The following CTNNA1 variants were observed in gnomAD, a reference collection of about 807,000 sequenced individuals.
CTNNA1 encodes the protein catenin alpha 1.
CTNNA1 carries 37 observed loss-of-function variants against 98.4 expected under a neutral mutation model. The observed-to-expected ratio is 0.38, with a 90% CI of 0.29 to 0.49. The LOEUF (loss-of-function observed/expected upper bound fraction) is 0.49. CTNNA1 is among the 20% of genes least tolerant of loss of function. CTNNA1 has a pLI of 0.95. For missense variants in CTNNA1, 761 were observed against 1,147.2 expected (o/e 0.66, Z 4.86); for synonymous variants, 404 against 413.2 (o/e 0.98, Z 0.27).
rs183441354 is a variant in CTNNA1 at position 138,764,158 on chromosome 5, G to A, written c.-3+10648G>A. Among the ~76,000 whole-genome samples, 12 of 151,574 alleles carry A rather than the reference G, an allele frequency of 7.9e-5. No homozygotes were observed. The East Asian group carries it at 2.3e-3, about 30-fold the overall frequency. ...TGAGATTGTGCCATTGCACTCCAGC[G>A]TGGGTGACAGAGCGAGAATCTGTCT... On this transcript the variant is annotated intron_variant, in intron 1 of 17. Coordinates refer to ENST00000302763, the MANE Select transcript of CTNNA1 (RefSeq NM_001903.5).
At position 138,815,642 on chromosome 5, in the gene CTNNA1, A is replaced by G. The variant is rs1469009355; in HGVS notation, c.588+3340A>G. ...TTTGTCCATACCTATGTATGATAGT[A>G]TAGTCTCTAAACTGCCTTTGAGTCA... is the stretch of plus-strand genomic sequence containing the variant. On this transcript the variant is annotated intron_variant, in intron 5 of 17. Coordinates refer to ENST00000302763, the MANE Select transcript of CTNNA1 (RefSeq NM_001903.5). 2.6e-5 allele frequency among the ~76,000 whole-genome samples: 4 copies of G among 152,264 alleles called. No homozygotes were observed. In the East Asian group the frequency reaches 5.8e-4, roughly 22 times the overall value.
chr5:138,825,500 G>GTTTTTTTTTTTTTTTTTTTTTT (rs1274199102), intron 6 of CTNNA1, among the ~76,000 whole-genome samples: 1 of 12,912 alleles, frequency 7.7e-5, no homozygotes, highest in East Asian at 0.026. Context: ...TTTTTTTTTA[G>GTTTTTTTTTTTTTTTTTTTTTT]GGCTTTAAAA....
chr5:138,806,549 ATCCATC>A (rs1164435807), intron 3 of CTNNA1, among the ~76,000 whole-genome samples: 1 of 151,730 alleles, frequency 6.6e-6, no homozygotes, highest in African/African-American at 2.4e-5. Context: ...TAGCTTTCTG[ATCCATC>A]TCTCTGGTTA....
At chr5:138,877,156 C>G (rs1173840010) in intron 7 of CTNNA1, among the ~76,000 whole-genome samples, 4 of 152,208 alleles carry the variant, frequency 2.6e-5, no homozygotes, top group African/African-American at 9.6e-5. Flanking sequence ...TTCCTTCTTG[C>G]TGGTTAAAGA....
intron 7 of CTNNA1, among the ~76,000 whole-genome samples, chr5:138,835,671 C>G (rs895778170): frequency 6.6e-6 from 1 of 151,908 alleles, no homozygotes; most frequent in African/African-American, 2.4e-5. Context: ...TTAAGGTATA[C>G]AAGGTGATAT....
intron 7 of CTNNA1, among the ~76,000 whole-genome samples, chr5:138,844,358 T>A (rs763996394): frequency 1.6e-4 from 24 of 152,192 alleles, no homozygotes; most frequent in Non-Finnish European, 3.4e-4. Context: ...CTTAGCTGCT[T>A]GACTTTTATA....
At chr5:138,816,651 A>C (rs1759458443) in intron 5 of CTNNA1, among the ~76,000 whole-genome samples, 2 of 149,866 alleles carry the variant, frequency 1.3e-5, no homozygotes, top group African/African-American at 4.9e-5. Context: ...CTTTCCATAT[A>C]CCTGTTGGTC....
chr5:138,903,946 G>A (rs958453865), intron 9 of CTNNA1, among the ~76,000 whole-genome samples: 1 of 152,100 alleles, frequency 6.6e-6, no homozygotes, highest in African/African-American at 2.4e-5. Flanking sequence ...CTTCCTTCAA[G>A]AACACTGCAA....
intron 16 of CTNNA1, chr5:138,931,857 G>A (rs1765429617): frequency 1.0e-6 from 1 of 985,510 alleles, no homozygotes; most frequent in Non-Finnish European, 1.2e-6. Context: ...CTTTGCTCCA[G>A]CCTCACTGGA....
intron 7 of CTNNA1, among the ~76,000 whole-genome samples, chr5:138,844,459 G>T (rs889800824): frequency 1.3e-5 from 2 of 152,154 alleles, no homozygotes; most frequent in African/African-American, 2.4e-5. Flanking sequence ...TGGTGGAGGG[G>T]TTAGCTTGCT....
intron 7 of CTNNA1, among the ~76,000 whole-genome samples, chr5:138,842,603 A>G (rs1219621757): frequency 1.3e-5 from 2 of 152,180 alleles, no homozygotes; most frequent in Non-Finnish European, 2.9e-5. Context: ...GCTCTAACCC[A>G]TTTATGCCAG....
chr5:138,827,489 A>G (rs965272523), intron 6 of CTNNA1, 26 bp from the exon 7 acceptor site: 2 of 1,611,910 alleles, frequency 1.2e-6, no homozygotes, highest in Non-Finnish European at 1.7e-6. Context: ...GATGAGTACT[A>G]ACATTCGGTA....
At chr5:138,851,716 G>A (rs1330301698) in intron 7 of CTNNA1, among the ~76,000 whole-genome samples, 2 of 147,776 alleles carry the variant, frequency 1.4e-5, no homozygotes, top group Non-Finnish European at 3.0e-5. Flanking sequence ...CCGAGATTGC[G>A]CCACTGCACT....
Position 138,812,179 on chromosome 5 carries a change from A to G in CTNNA1, c.469-4A>G, listed in dbSNP as rs746371282. 1 of 1,611,032 alleles carries G rather than the reference A, an allele frequency of 6.2e-7. No homozygotes were observed. The highest frequency in any genetic ancestry group is 8.5e-7 in the Non-Finnish European group (1 of 1,179,006). On this transcript the variant is annotated splice_polypyrimidine_tract_variant and splice_region_variant and intron_variant, in intron 4 of 17. Coordinates refer to ENST00000302763, the MANE Select transcript of CTNNA1 (RefSeq NM_001903.5). The stretch of plus-strand genomic sequence containing the variant: ...TGGGTTTTGGGGTCTTTCTTATTTT[A>G]TAGGTGGAAGATGGTATCTTGAAGT...
intron 1 of CTNNA1, among the ~76,000 whole-genome samples, chr5:138,768,097 TA>T (rs1753130782): frequency 6.6e-6 from 1 of 152,242 alleles, no homozygotes; most frequent in Non-Finnish European, 1.5e-5. Flanking sequence ...TTTCTCTTTT[TA>T]AAAATCAGGA....
intron 7 of CTNNA1, among the ~76,000 whole-genome samples, chr5:138,846,510 C>A (rs888980817): frequency 1.3e-5 from 2 of 152,040 alleles, no homozygotes; most frequent in African/African-American, 2.4e-5. Context: ...ATTATATTTC[C>A]TGTAGGAGTT....
Position 138,774,746 on chromosome 5 carries a change from T to C in CTNNA1, c.-2-7177T>C, listed in dbSNP as rs1474050625. Among the ~76,000 whole-genome samples the C allele has an allele frequency of 3.9e-5, 6 of 151,938 alleles. No individual in the cohort carries two copies. In the South Asian group the frequency reaches 1.0e-3, roughly 26 times the overall value. Reference sequence around the variant, plus strand: ...ACGCCATTCTCCTGCCTCAGCCTCCTGAGTAGCTGGGACTACAGGCGCCCA... The same window carrying C: ...ACGCCATTCTCCTGCCTCAGCCTCCCGAGTAGCTGGGACTACAGGCGCCCA... On this transcript the variant is annotated intron_variant, in intron 1 of 17. Coordinates refer to ENST00000302763, the MANE Select transcript of CTNNA1 (RefSeq NM_001903.5).
intron 7 of CTNNA1, among the ~76,000 whole-genome samples, chr5:138,841,701 C>T (rs1762284691): frequency 1.3e-5 from 2 of 152,174 alleles, no homozygotes. Context: ...CTTTGAGTTA[C>T]TTTATGCTGA....
At chr5:138,764,791 C>CT (rs1182312562) in intron 1 of CTNNA1, among the ~76,000 whole-genome samples, 1 of 147,228 alleles carries the variant, frequency 6.8e-6, no homozygotes, top group Non-Finnish European at 1.5e-5. Flanking sequence ...TATTTCGGGT[C>CT]TTTAAGACCA....
Sources: gnomAD v4.1 joint callset for allele counts (sites outside exome capture counted in the v4.1 genomes callset) on GRCh38, gnomAD v4.1.1 for gene constraint, MANE v1.5 for transcripts, NCBI Gene and HGNC (gene_info 2026-07-23, HGNC 2026-07-21) for gene names.